Variants in FBXO11 observed in about 807,000 individuals in gnomAD.
The protein encoded by FBXO11 is F-box only protein 11.
In FBXO11, 13 loss-of-function variants were observed where a neutral mutation model predicts 117.0. The observed-to-expected ratio is 0.11, with a 90% CI of 0.07 to 0.18. FBXO11 has a LOEUF of 0.18. Among genes scored for constraint, FBXO11 ranks in the 10% least tolerant of loss-of-function variants. FBXO11 has a pLI of 1.00. For synonymous variants in FBXO11, 490 were observed against 380.5 expected, an observed-to-expected ratio of 1.29 and a Z score of -3.35; for missense variants, 767 against 1,164.4, an observed-to-expected ratio of 0.66 and a Z score of 4.97.
intron 21 of FBXO11, 55 bp downstream of exon 21, chr2:47,809,103 T>A (rs1359449396): frequency 5.1e-5 from 60 of 1,165,886 alleles, no homozygotes; most frequent in Non-Finnish European, 6.5e-5. Context: ...CATTGCTAAT[T>A]TAAAAAGGAA....
chr2:47,854,799 G>A (rs1394763636), intron 1 of FBXO11, among the ~76,000 whole-genome samples: 1 of 151,866 alleles, frequency 6.6e-6, no homozygotes, highest in Non-Finnish European at 1.5e-5. Context: ...AGAACCATGG[G>A]AGTCAAAGAA....
chr2:47,900,790 G>GTA (rs1402592837), intron 1 of FBXO11, among the ~76,000 whole-genome samples: 3 of 68,922 alleles, frequency 4.4e-5, no homozygotes, highest in Non-Finnish European at 9.3e-5. Flanking sequence ...ACACACACGT[G>GTA]TATATATATA....
At chr2:47,844,004 G>C (rs1226842686) in intron 1 of FBXO11, among the ~76,000 whole-genome samples, 3 of 152,082 alleles carry the variant, frequency 2.0e-5, no homozygotes, top group African/African-American at 7.2e-5. Flanking sequence ...GCCTCCCAAA[G>C]TGCTGGGATT....
At chr2:47,903,079 T>C (rs1318466277) in intron 1 of FBXO11, among the ~76,000 whole-genome samples, 2 of 152,126 alleles carry the variant, frequency 1.3e-5, no homozygotes, top group Non-Finnish European at 2.9e-5. Flanking sequence ...ACTTTCGAAA[T>C]AGAGTATTCT....
chr2:47,890,919 G>C (rs1442900187), intron 1 of FBXO11, among the ~76,000 whole-genome samples: 1 of 152,092 alleles, frequency 6.6e-6, no homozygotes, highest in African/African-American at 2.4e-5. Context: ...TAGAGCTTAA[G>C]TGATCCTCCC....
intron 11 of FBXO11, among the ~76,000 whole-genome samples, chr2:47,825,892 T>C (rs1396143529): frequency 1.3e-5 from 2 of 151,972 alleles, no homozygotes; most frequent in African/African-American, 2.4e-5. Context: ...ATCTGACTGG[T>C]AAACTTTTAC....
At chr2:47,826,415 G>A (rs975594331) in intron 11 of FBXO11, among the ~76,000 whole-genome samples, 4 of 151,924 alleles carry the variant, frequency 2.6e-5, no homozygotes, top group African/African-American at 9.7e-5. Flanking sequence ...TTATCCAGAG[G>A]GCCCCACTTT....
At chr2:47,813,736 A>C in intron 17 of FBXO11, 55 bp downstream of exon 17, 1 of 1,451,524 alleles carries the variant, frequency 6.9e-7, no homozygotes, top group South Asian at 1.1e-5. Flanking sequence ...CCCGGCCTAG[A>C]AGGTGTATTT....
chr2:47,831,075 AGGTGTGAGC>A (rs1253059138), intron 11 of FBXO11, among the ~76,000 whole-genome samples: 6 of 151,332 alleles, frequency 4.0e-5, no homozygotes, highest in Non-Finnish European at 8.8e-5. Context: ...CTGGGATTAC[AGGTGTGAGC>A]CACTGCACCC....
intron 1 of FBXO11, among the ~76,000 whole-genome samples, chr2:47,862,239 A>C (rs1674834178): frequency 6.6e-6 from 1 of 152,066 alleles, no homozygotes; most frequent in Admixed American, 6.6e-5. Flanking sequence ...CTTATAGTTT[A>C]AGCCAATTTA....
chr2:47,865,458 T>G (rs1177834820), intron 1 of FBXO11, among the ~76,000 whole-genome samples: 1 of 152,178 alleles, frequency 6.6e-6, no homozygotes, highest in Non-Finnish European at 1.5e-5. Flanking sequence ...ACAAATAGTT[T>G]GAACCATAAA....
chr2:47,852,019 T>C (rs1673903206), intron 1 of FBXO11, among the ~76,000 whole-genome samples: 1 of 146,302 alleles, frequency 6.8e-6, no homozygotes, highest in South Asian at 2.1e-4. Context: ...TGAGGCTGAG[T>C]CTTGCTCTGT....
chr2:47,813,720 A>G (rs1670797792), intron 17 of FBXO11, 71 bp downstream of exon 17: 2 of 1,321,092 alleles, frequency 1.5e-6, no homozygotes, highest in Non-Finnish European at 2.2e-6. Flanking sequence ...GGCGTGAGCC[A>G]CCGTGCCCGG....
At chr2:47,902,325 G>A (rs960212554) in intron 1 of FBXO11, among the ~76,000 whole-genome samples, 18 of 152,194 alleles carry the variant, frequency 1.2e-4, no homozygotes, top group African/African-American at 4.3e-4. Flanking sequence ...TTTAGTCTTA[G>A]GATAGCTGAT....
At chr2:47,862,887 T>G (rs988271554) in intron 1 of FBXO11, among the ~76,000 whole-genome samples, 3 of 151,932 alleles carry the variant, frequency 2.0e-5, no homozygotes, top group Non-Finnish European at 4.4e-5. Context: ...AAACCCCATC[T>G]CTACTAAAAG....
intron 1 of FBXO11, among the ~76,000 whole-genome samples, chr2:47,859,621 T>G (rs1476645295): frequency 6.6e-6 from 1 of 152,254 alleles, no homozygotes; most frequent in Admixed American, 6.5e-5. Flanking sequence ...CTCTTGTCTT[T>G]CTTATTTGCA....
chr2:47,888,517 T>A, intron 1 of FBXO11: 1 of 177,398 alleles, frequency 5.6e-6, no homozygotes, highest in Non-Finnish European at 1.1e-5. Flanking sequence ...GTCTAATAAT[T>A]TAAATTCATT....
At chr2:47,846,529 T>A (rs150066298) in intron 1 of FBXO11, among the ~76,000 whole-genome samples, 5,604 of 152,246 alleles carry the variant, frequency 0.037, 147 homozygotes, top group Non-Finnish European at 0.053. Context: ...ATTATGCCAA[T>A]GATTGTCAAG....
chr2:47,808,385 C>T lies in FBXO11; in HGVS notation c.2598G>A (p.Val866=). 1.9e-6 allele frequency: 3 copies of T among 1,610,930 alleles called. No homozygotes were observed. Among genetic ancestry groups the T allele is most frequent in the Non-Finnish European group, 2.5e-6 (3 of 1,178,578 alleles). The stretch of plus-strand genomic sequence containing the variant: ...CCTGATGGCACTTCTTAATGCAGTT[C>T]ACACATATGGCATTTCGATCTGTGG... ...CNTTDRNAIC[V]NCIKKCHQGH... is the part of the protein sequence containing the mutation. The change falls in exon 22 of 23, where the codon GTG becomes GTA. Residue 866 remains valine, a synonymous_variant. Transcript: ENST00000403359.
Sources: gnomAD v4.1 joint callset for allele counts (sites outside exome capture counted in the v4.1 genomes callset) on GRCh38, gnomAD v4.1.1 for gene constraint, MANE v1.5 for transcripts, NCBI Gene and HGNC (gene_info 2026-07-23, HGNC 2026-07-21) for gene names.